The following BTBD10 variants were observed in gnomAD, a reference collection of about 807,000 sequenced individuals.
BTBD10 encodes the protein BTB domain containing 10, also known as BTB/POZ domain-containing protein 10.
Under a neutral mutation model 53.2 loss-of-function variants are expected in BTBD10, and 21 were observed. That is an observed-to-expected ratio of 0.39 (90% CI 0.28 to 0.57). The LOEUF is 0.57. Among genes scored for constraint, BTBD10 ranks in the 20% least tolerant of loss-of-function variants. BTBD10 has a pLI of 0.53. For synonymous variants in BTBD10, 149 were observed against 192.7 expected (o/e 0.77, Z 1.88); for missense variants, 360 against 594.7 (o/e 0.61, Z 4.10).
chr11:13,447,874 T>A (rs557161512), intron 1 of BTBD10, among the ~76,000 whole-genome samples: 2 of 152,290 alleles, frequency 1.3e-5, no homozygotes, highest in Admixed American at 6.5e-5. Flanking sequence ...GGAAAAACTA[T>A]GCCTATGTTT....
chr11:13,413,384 T>C, intron 6 of BTBD10, 146 bp downstream of exon 6: 1 of 575,796 alleles, frequency 1.7e-6, no homozygotes. Context: ...TTGCAAGCTT[T>C]CATTAATAAT....
chr11:13,431,175 G>C (rs1950441905), intron 2 of BTBD10, among the ~76,000 whole-genome samples: 1 of 151,980 alleles, frequency 6.6e-6, no homozygotes, highest in Admixed American at 6.6e-5. Context: ...TTTCTTAGCA[G>C]AGTGCACTAA....
In BTBD10 at chr11:13,388,148, C is replaced by T. The variant is rs1949298025; in HGVS notation, c.*683G>A. The T allele has an allele frequency of 6.6e-6, 1 of 152,572 alleles. No homozygotes were observed. The highest frequency in any genetic ancestry group is 6.5e-5 in the Admixed American group (1 of 15,284). 9.5% of individuals were successfully genotyped at this position (152,572 alleles called of 1,614,324 possible). On this transcript the variant is annotated 3_prime_UTR_variant, in exon 9 of 9. Transcript: ENST00000278174. ...AAAAAAAGCATTAGTAAATAAATATCTGTGAACAGATTAAGGGTAAGGCAG... is the reference window on the plus strand; with the variant it reads ...AAAAAAAGCATTAGTAAATAAATATTTGTGAACAGATTAAGGGTAAGGCAG...
chr11:13,447,933 T>C (rs1321103607), intron 1 of BTBD10, among the ~76,000 whole-genome samples: 1 of 152,118 alleles, frequency 6.6e-6, no homozygotes, highest in Non-Finnish European at 1.5e-5. Context: ...TACACAAAAA[T>C]GCTAGTGTTT....
rs1950196338 is a variant in BTBD10 at position 13,419,476 on chromosome 11, T to G, written c.568A>C (p.Asn190His). Reference sequence around the variant, plus strand: ...AATACAAACCTGCCCAACATTGTATTTGGCTGTGCAGTAAAAATGGATGGG... The same window carrying G: ...AATACAAACCTGCCCAACATTGTATGTGGCTGTGCAGTAAAAATGGATGGG... The part of the protein sequence containing the change: ...VDPSIFTAQP[N>H]TMLGRMFGSG... The change falls in exon 4 of 9, where the codon AAT becomes CAT. Residue 190 changes from asparagine to histidine, a missense_variant. Physicochemically the swap from Asn to His is moderately conservative, Grantham distance 68. Coordinates refer to ENST00000278174, the MANE Select transcript of BTBD10 (RefSeq NM_032320.7). 6.2e-7 allele frequency: 1 copy of G among 1,612,816 alleles called. No homozygotes were observed. Among genetic ancestry groups the G allele is most frequent in the South Asian group, 1.1e-5 (1 of 90,864 alleles).
At chr11:13,443,722 T>TA (rs1950704975) in intron 2 of BTBD10, among the ~76,000 whole-genome samples, 1 of 152,014 alleles carries the variant, frequency 6.6e-6, no homozygotes, top group Non-Finnish European at 1.5e-5. Flanking sequence ...CAGCTGGAAT[T>TA]ACAGGTGCAT....
chr11:13,453,203 A>C (rs1018036878), intron 1 of BTBD10, among the ~76,000 whole-genome samples: 2 of 152,186 alleles, frequency 1.3e-5, no homozygotes, highest in Non-Finnish European at 2.9e-5. Flanking sequence ...ATTTCAAAAT[A>C]TATTGTTAAG....
At chr11:13,390,273 G>A (rs993145957) in intron 8 of BTBD10, among the ~76,000 whole-genome samples, 1 of 152,036 alleles carries the variant, frequency 6.6e-6, no homozygotes, top group African/African-American at 2.4e-5. Flanking sequence ...GTTTCTACTA[G>A]AGCTACTTTT....
At chr11:13,427,528 T>C (rs72857025) in intron 2 of BTBD10, among the ~76,000 whole-genome samples, 23,977 of 152,146 alleles carry the variant, frequency 0.16, 2,076 homozygotes, top group Admixed American at 0.24. Context: ...ACAATTATCA[T>C]CAGAGATTTC....
intron 1 of BTBD10, among the ~76,000 whole-genome samples, chr11:13,449,699 T>C (rs556708171): frequency 5.8e-4 from 88 of 152,316 alleles, no homozygotes; most frequent in Non-Finnish European, 9.9e-4. Context: ...TCCAAAAGCA[T>C]GTCAGTAGCA....
At chr11:13,434,844 T>G (rs1202430723) in intron 2 of BTBD10, among the ~76,000 whole-genome samples, 1 of 152,210 alleles carries the variant, frequency 6.6e-6, no homozygotes, top group Non-Finnish European at 1.5e-5. Context: ...TTGAAGAATA[T>G]GCCTCTGAAA....
At chr11:13,450,912 C>T (rs925348831) in intron 1 of BTBD10, among the ~76,000 whole-genome samples, 6 of 152,158 alleles carry the variant, frequency 3.9e-5, no homozygotes, top group Non-Finnish European at 8.8e-5. Context: ...AGAGCTTACT[C>T]TTGAAAAACT....
At chr11:13,417,020 A>T (rs953023065) in intron 5 of BTBD10, 138 bp downstream of exon 5, 1 of 565,628 alleles carries the variant, frequency 1.8e-6, no homozygotes, top group Admixed American at 3.3e-5. Context: ...TAAAATAAAG[A>T]TGAATTAAAT....
intron 4 of BTBD10, among the ~76,000 whole-genome samples, chr11:13,418,229 T>G (rs1161983661): frequency 6.6e-6 from 1 of 151,936 alleles, no homozygotes; most frequent in East Asian, 1.9e-4. Flanking sequence ...TGAATATTAA[T>G]TTTCATCCCC....
chr11:13,417,135 C>A, intron 5 of BTBD10, 23 bp downstream of exon 5: 3 of 1,560,764 alleles, frequency 1.9e-6, no homozygotes, highest in South Asian at 2.3e-5. Context: ...ATGATTAAGT[C>A]AATACTCATA....
At chr11:13,414,344 C>G (rs1419352301) in intron 5 of BTBD10, among the ~76,000 whole-genome samples, 1 of 152,116 alleles carries the variant, frequency 6.6e-6, no homozygotes, top group East Asian at 1.9e-4. Context: ...TAAAAAAACA[C>G]TTTTTCCCCA....
At chr11:13,390,718 TAGAATC>T (rs1320568654) in intron 8 of BTBD10, among the ~76,000 whole-genome samples, 6 of 152,198 alleles carry the variant, frequency 3.9e-5, no homozygotes, top group Non-Finnish European at 8.8e-5. Context: ...AGACCATAGT[TAGAATC>T]AGAAAAAATA....
chr11:13,447,412 T>G (rs756708042), intron 1 of BTBD10, among the ~76,000 whole-genome samples: 6 of 152,200 alleles, frequency 3.9e-5, no homozygotes, highest in African/African-American at 7.2e-5. Context: ...TAACATATCT[T>G]TGAAGAGCAT....
In BTBD10 at chr11:13,394,695, C is replaced by T. The variant is rs200429777; in HGVS notation, c.1118-5554G>A. Among the ~76,000 whole-genome samples the T allele has an allele frequency of 3.9e-4, 57 of 145,664 alleles. No individual in the cohort carries two copies. In the East Asian group the frequency reaches 0.011, roughly 29 times the overall value. ...ATATCTCCTAATGCTATCCCTCCGC[C>T]CTCCCCCAACCCCACAACAGTCCCG... On this transcript the variant is annotated intron_variant, in intron 8 of 8. Transcript: ENST00000278174.
Sources: allele counts gnomAD v4.1 joint callset (sites outside exome capture counted in the v4.1 genomes callset), GRCh38; gene constraint gnomAD v4.1.1; transcripts MANE v1.5; gene names NCBI Gene and HGNC (gene_info 2026-07-23, HGNC 2026-07-21).